The following ZNF140 variants were observed in gnomAD, a reference collection of about 807,000 sequenced individuals.
The protein encoded by ZNF140 is zinc finger protein 140 (clone pHZ-39).
Under a neutral mutation model 12.9 loss-of-function variants are expected in ZNF140, and 13 were observed. That is an observed-to-expected ratio of 1.01 (90% confidence interval 0.66 to 1.60). ZNF140 has a LOEUF of 1.60. Among genes scored for constraint, ZNF140 ranks in the 40% most tolerant of loss-of-function variants. ZNF140 has a pLI of 0.00. For missense variants in ZNF140, 531 were observed against 548.8 expected (o/e 0.97, Z 0.32); for synonymous variants, 214 against 186.7 (o/e 1.15, Z -1.19).
In ZNF140 at chr12:133,091,116, G is replaced by A. The variant is rs1356680912; in HGVS notation, c.232+7555G>A. On this transcript the variant is annotated intron_variant, in intron 4 of 4. Transcript: ENST00000355557. Reference sequence around the variant, plus strand: ...CCATCTCAGCACAGACCTTTTACAGGTGTCGGGCTGGGGGACGGTCAGGTC... The same window carrying A: ...CCATCTCAGCACAGACCTTTTACAGATGTCGGGCTGGGGGACGGTCAGGTC... Among the ~76,000 whole-genome samples the A allele has an allele frequency of 4.7e-5, 7 of 149,614 alleles. 1 individual carries two copies. Among genetic ancestry groups the A allele is most frequent in the African/African-American group, 1.7e-4 (7 of 40,424 alleles).
chr12:133,097,354 T>A (rs1314068378), intron 4 of ZNF140, among the ~76,000 whole-genome samples: 1 of 152,068 alleles, frequency 6.6e-6, no homozygotes, highest in Non-Finnish European at 1.5e-5. Context: ...AAAATTTATT[T>A]AATTTTTGGC....
intron 4 of ZNF140, among the ~76,000 whole-genome samples, chr12:133,086,053 C>T (rs1954666493): frequency 6.6e-6 from 1 of 152,170 alleles, no homozygotes; most frequent in Non-Finnish European, 1.5e-5. Flanking sequence ...CGTAATTGCT[C>T]TAATAGTTTT....
chr12:133,089,130 G>C (rs1480493637), intron 4 of ZNF140, among the ~76,000 whole-genome samples: 2 of 152,062 alleles, frequency 1.3e-5, no homozygotes, highest in Middle Eastern at 3.2e-3. Context: ...TGAGGGGATT[G>C]GTATAATTTC....
At position 133,096,013 on chromosome 12, in the gene ZNF140, C is replaced by G. The variant is rs988866575; in HGVS notation, c.233-9497C>G. Among the ~76,000 whole-genome samples the G allele has an allele frequency of 3.3e-5, 5 of 150,654 alleles. No individual in the cohort carries two copies. The East Asian group carries it at 5.8e-4, about 18-fold the overall frequency. On this transcript the variant is annotated intron_variant, in intron 4 of 4. Coordinates refer to ENST00000355557, the MANE Select transcript of ZNF140 (RefSeq NM_003440.4). ...TCTATCTCAACTGCAAGAGGCTTTC[C>G]TCTTTTACCAATCCACCTCAGCACA...
At chr12:133,101,128 G>A (rs1955331502) in intron 4 of ZNF140, 2 of 280,204 alleles carry the variant, frequency 7.1e-6, no homozygotes, top group African/African-American at 2.2e-5. Context: ...ATACCTAATT[G>A]TAGGGGTTTT....
chr12:133,095,204 A>G lies in ZNF140; in HGVS notation c.233-10306A>G, dbSNP rs923626428. On this transcript the variant is annotated intron_variant, in intron 4 of 4. Transcript: ENST00000355557. ...GTTCCCTGTTCTGGAAACCATGGGC[A>G]GAATTGTTCTATTGTTTGAAATAGC... is the stretch of plus-strand genomic sequence containing the variant. Among the ~76,000 whole-genome samples the G allele has an allele frequency of 1.8e-4, 27 of 151,292 alleles. 2 individuals are homozygous for G. Among genetic ancestry groups the G allele is most frequent in the African/African-American group, 6.1e-4 (25 of 40,910 alleles).
At chr12:133,081,782 C>T (rs368056300) in intron 2 of ZNF140, 10 of 268,612 alleles carry the variant, frequency 3.7e-5, no homozygotes, top group South Asian at 2.9e-4. Flanking sequence ...GTTACTCCAG[C>T]GCCCCTTTAT....
At chr12:133,095,794 T>G (rs779767060) in intron 4 of ZNF140, among the ~76,000 whole-genome samples, 12 of 151,980 alleles carry the variant, frequency 7.9e-5, no homozygotes, top group South Asian at 2.1e-4. Flanking sequence ...GATGTGCACG[T>G]AATCCAGATT....
upstream of ZNF140, chr12:133,080,500 GC>G (rs1307503588): frequency 6.6e-6 from 1 of 152,280 alleles, no homozygotes; most frequent in Non-Finnish European, 1.5e-5. Context: ...TCGTTTCTCC[GC>G]TAGTTGTGCG....
chr12:133,097,942 T>C lies in ZNF140; in HGVS notation c.233-7568T>C, dbSNP rs1053777846. ...ACCTCCCCCTCCTGGGTTCAAGCAA[T>C]TCTGCCTCAGCCTCCTATGTAGCTG... On this transcript the variant is annotated intron_variant, in intron 4 of 4. Transcript: ENST00000355557. 3.9e-5 allele frequency among the ~76,000 whole-genome samples: 6 copies of C among 152,046 alleles called. No individual in the cohort carries two copies. The South Asian group carries it at 1.2e-3, about 32-fold the overall frequency.
At chr12:133,081,894 A>G (rs1954517358) in intron 2 of ZNF140, 3 of 180,988 alleles carry the variant, frequency 1.7e-5, no homozygotes, top group African/African-American at 2.4e-5. Context: ...CGTATTAGAA[A>G]TGAATATTCT....
intron 4 of ZNF140, among the ~76,000 whole-genome samples, chr12:133,094,773 C>G (rs1019658739): frequency 6.6e-6 from 1 of 151,232 alleles, no homozygotes. Context: ...GCTCCCTCCC[C>G]CAGCACTCAC....
At chr12:133,086,670 CTTTTA>C (rs1350225936) in intron 4 of ZNF140, among the ~76,000 whole-genome samples, 4 of 151,908 alleles carry the variant, frequency 2.6e-5, no homozygotes, top group African/African-American at 9.7e-5. Flanking sequence ...TCAATCTTTT[CTTTTA>C]TGTTTAGTAT....
chr12:133,086,791 G>A (rs1024447866), intron 4 of ZNF140, among the ~76,000 whole-genome samples: 1 of 151,794 alleles, frequency 6.6e-6, no homozygotes, highest in Non-Finnish European at 1.5e-5. Context: ...TTCACATTTC[G>A]ATCCATCGTT....
At chr12:133,096,207 A>T (rs769180652) in intron 4 of ZNF140, among the ~76,000 whole-genome samples, 1 of 152,024 alleles carries the variant, frequency 6.6e-6, no homozygotes, top group Non-Finnish European at 1.5e-5. Flanking sequence ...GAGACTAGAG[A>T]ATGGCGATGA....
chr12:133,095,667 T>C (rs1310020890), intron 4 of ZNF140, among the ~76,000 whole-genome samples: 9 of 151,794 alleles, frequency 5.9e-5, no homozygotes, highest in Admixed American at 1.3e-4. Flanking sequence ...TTTTCATTAT[T>C]TCAGCAAAAA....
chr12:133,092,867 G>T (rs1225197019), intron 4 of ZNF140, among the ~76,000 whole-genome samples: 1 of 151,082 alleles, frequency 6.6e-6, no homozygotes, highest in African/African-American at 2.5e-5. Flanking sequence ...AGTATCAGCC[G>T]CACATTGTTC....
At chr12:133,090,892 T>C (rs1954846075) in intron 4 of ZNF140, among the ~76,000 whole-genome samples, 1 of 140,196 alleles carries the variant, frequency 7.1e-6, no homozygotes, top group Non-Finnish European at 1.6e-5. Context: ...CACCCAAACA[T>C]CTCAGCGGAG....
intron 4 of ZNF140, among the ~76,000 whole-genome samples, chr12:133,102,750 T>TAAA (rs150988045): frequency 0.38 from 52,219 of 136,222 alleles, 9,836 homozygotes; most frequent in South Asian, 0.47. Context: ...CTCCGTTTCT[T>TAAA]AAAAAAAAAA....
Sources: allele counts gnomAD v4.1 joint callset (sites outside exome capture counted in the v4.1 genomes callset), GRCh38; gene constraint gnomAD v4.1.1; transcripts MANE v1.5; gene names NCBI Gene and HGNC (gene_info 2026-07-23, HGNC 2026-07-21).